Variants in BCHE observed in about 807,000 individuals in gnomAD.
The protein encoded by BCHE is cholinesterase.
In BCHE, 48 loss-of-function variants were observed where a neutral mutation model predicts 51.3. The observed-to-expected ratio is 0.94, with a 90% confidence interval of 0.74 to 1.19. BCHE has a LOEUF of 1.19. Among genes scored for constraint, BCHE ranks in the 50% most tolerant of loss-of-function variants. BCHE has a pLI of 0.00. For missense variants in BCHE, 847 were observed against 708.2 expected, an observed-to-expected ratio of 1.20 and a Z score of -2.23; for synonymous variants, 251 against 238.0, an observed-to-expected ratio of 1.05 and a Z score of -0.50.
chr3:165,834,498 G>A (rs1017850904), intron 1 of BCHE, among the ~76,000 whole-genome samples: 2 of 151,758 alleles, frequency 1.3e-5, no homozygotes, highest in Non-Finnish European at 2.9e-5. Flanking sequence ...ATATGCAGAT[G>A]TTCATATACT....
intron 2 of BCHE, among the ~76,000 whole-genome samples, chr3:165,798,271 C>CTGTG (rs201791118): frequency 4.7e-5 from 7 of 150,192 alleles, no homozygotes; most frequent in African/African-American, 1.5e-4. Context: ...AAGTGTGTGT[C>CTGTG]TGTGTGTGTG....
At chr3:165,820,974 T>C (rs552397685) in intron 2 of BCHE, among the ~76,000 whole-genome samples, 1 of 152,076 alleles carries the variant, frequency 6.6e-6, no homozygotes, top group South Asian at 2.1e-4. Flanking sequence ...TCACAGTTAA[T>C]CATTGTTCTG....
In BCHE at chr3:165,773,287, A is replaced by G. The variant is rs1712325698; in HGVS notation, c.*95T>C. 1.6e-6 allele frequency: 2 copies of G among 1,214,214 alleles called. No homozygotes were observed. Among genetic ancestry groups the G allele is most frequent in the Non-Finnish European group, 1.2e-6 (1 of 854,198 alleles). The allele number at this position is 1,214,214 out of a possible 1,614,324, so 75.2% of individuals were successfully genotyped here. A position where few individuals can be genotyped will look rare whatever the true frequency, so the allele number is the denominator to read the frequency against. On this transcript the variant is annotated 3_prime_UTR_variant, in exon 4 of 4. Transcript: ENST00000264381. The stretch of plus-strand genomic sequence containing the variant: ...TCCTTCTGGCATTTTTGTTTCAGCT[A>G]CATAATAACTTTTTTAGTAGGTGTG...
chr3:165,799,013 G>A (rs910023626), intron 2 of BCHE, among the ~76,000 whole-genome samples: 2 of 152,214 alleles, frequency 1.3e-5, no homozygotes, highest in East Asian at 3.9e-4. Flanking sequence ...GTGGCTGTGG[G>A]TGACTAGCTC....
chr3:165,812,441 T>C (rs1041082282), intron 2 of BCHE, among the ~76,000 whole-genome samples: 3 of 152,018 alleles, frequency 2.0e-5, no homozygotes, highest in Admixed American at 6.6e-5. Context: ...ATTTTGCATG[T>C]TACACATAGG....
chr3:165,825,869 A>G (rs945770170), intron 2 of BCHE, among the ~76,000 whole-genome samples: 3 of 152,156 alleles, frequency 2.0e-5, no homozygotes, highest in Admixed American at 6.6e-5. Context: ...TAGAAAAAAT[A>G]CCAATGACCA....
At chr3:165,837,232 G>T (rs1169588644) in intron 1 of BCHE, 82 bp downstream of exon 1, 2 of 908,248 alleles carry the variant, frequency 2.2e-6, no homozygotes, top group Non-Finnish European at 1.5e-6. Context: ...ACAAACACAT[G>T]AAGAGATCAC....
At position 165,830,663 on chromosome 3, in the gene BCHE, T is replaced by C; in HGVS notation, c.371A>G (p.Asn124Ser). 1.2e-6 allele frequency: 2 copies of C among 1,614,042 alleles called. No homozygotes were observed. The highest frequency in any genetic ancestry group is 2.2e-5 in the South Asian group (2 of 91,082). Residue 124 changes from asparagine to serine, a missense_variant, in exon 2 of 4, where the codon AAT (asparagine) becomes AGT (serine). By Grantham distance (46) the Asn-to-Ser change is conservative. Transcript: ENST00000264381. Reference sequence around the variant, plus strand: ...TGGTTTAGGTGCTGGAATCCATACATTTAGATATAAACAGTCTTCACTGAG... The same window carrying C: ...TGGTTTAGGTGCTGGAATCCATACACTTAGATATAAACAGTCTTCACTGAG... ...TDLSEDCLYLNVWIPAPKPKN... is the reference protein window; with the variant it reads ...TDLSEDCLYLSVWIPAPKPKN...
chr3:165,828,742 C>A (rs1023414131), intron 2 of BCHE, among the ~76,000 whole-genome samples: 21 of 151,794 alleles, frequency 1.4e-4, no homozygotes, highest in African/African-American at 5.1e-4. Context: ...GAAAAAAAAA[C>A]TACTTTATTT....
At chr3:165,813,240 C>T (rs1714176958) in intron 2 of BCHE, among the ~76,000 whole-genome samples, 1 of 151,678 alleles carries the variant, frequency 6.6e-6, no homozygotes, top group Admixed American at 6.6e-5. Context: ...GTTGAAATCT[C>T]TCTATTGCTG....
chr3:165,806,846 T>A (rs1003316290), intron 2 of BCHE, among the ~76,000 whole-genome samples: 4 of 152,064 alleles, frequency 2.6e-5, no homozygotes, highest in Non-Finnish European at 4.4e-5. Flanking sequence ...CAGTATTGAA[T>A]GATTATGCAA....
At chr3:165,794,436 A>C (rs1351143282) in intron 2 of BCHE, among the ~76,000 whole-genome samples, 2 of 152,178 alleles carry the variant, frequency 1.3e-5, no homozygotes, top group Admixed American at 1.3e-4. Flanking sequence ...ACAGAAATTG[A>C]TGTTTCATAT....
At chr3:165,824,574 A>G (rs1198628199) in intron 2 of BCHE, among the ~76,000 whole-genome samples, 4 of 152,084 alleles carry the variant, frequency 2.6e-5, no homozygotes, top group Admixed American at 2.6e-4. Flanking sequence ...AAAACGATAG[A>G]TATAAATATT....
At chr3:165,826,384 G>A (rs1414628972) in intron 2 of BCHE, among the ~76,000 whole-genome samples, 3 of 152,094 alleles carry the variant, frequency 2.0e-5, no homozygotes, top group Non-Finnish European at 2.9e-5. Context: ...CAAAAGAAGC[G>A]AGACACAAGA....
Position 165,773,321 on chromosome 3 carries a change from C to T in BCHE, c.*61G>A, listed in dbSNP as rs928327001. On this transcript the variant is annotated 3_prime_UTR_variant, in exon 4 of 4. Transcript: ENST00000264381. ...CTTTTTTAGTAGGTGTGTAAAAAAG[C>T]TCCTGATATTTTTGCCTTGATCTAA... The T allele has an allele frequency of 1.1e-5, 16 of 1,509,812 alleles. No homozygotes were observed. The African/African-American group carries it at 1.8e-4, about 17-fold the overall frequency. 93.5% of individuals were successfully genotyped at this position (1,509,812 alleles called of 1,614,324 possible). A position where few individuals can be genotyped will look rare whatever the true frequency, so the allele number is the denominator to read the frequency against.
intron 2 of BCHE, among the ~76,000 whole-genome samples, chr3:165,796,895 T>C (rs1713400386): frequency 6.6e-6 from 1 of 152,116 alleles, no homozygotes; most frequent in Admixed American, 6.5e-5. Flanking sequence ...AGATCTTTAG[T>C]ACACTGTTGG....
At chr3:165,800,889 A>G (rs1313924122) in intron 2 of BCHE, among the ~76,000 whole-genome samples, 1 of 152,196 alleles carries the variant, frequency 6.6e-6, no homozygotes, top group Non-Finnish European at 1.5e-5. Context: ...AATAATAAAT[A>G]AATTGATTAA....
intron 2 of BCHE, among the ~76,000 whole-genome samples, chr3:165,820,904 C>T (rs1576864717): frequency 2.6e-5 from 4 of 152,004 alleles, no homozygotes; most frequent in Admixed American, 2.6e-4. Context: ...TTTAAGAATT[C>T]ATGGTGAAGG....
intron 1 of BCHE, among the ~76,000 whole-genome samples, chr3:165,836,072 A>G (rs7653294): frequency 0.79 from 119,947 of 151,746 alleles, 47,631 homozygotes; most frequent in Admixed American, 0.84. Flanking sequence ...ATGTTTTATA[A>G]AAATGAAATA....
Sources: gnomAD v4.1 joint callset for allele counts (sites outside exome capture counted in the v4.1 genomes callset) on GRCh38, gnomAD v4.1.1 for gene constraint, MANE v1.5 for transcripts, NCBI Gene and HGNC (gene_info 2026-07-23, HGNC 2026-07-21) for gene names.